Variants in ZNF385D observed in about 807,000 individuals in gnomAD.
The protein encoded by ZNF385D is zinc finger protein 659.
ZNF385D carries 15 observed loss-of-function variants against 35.8 expected under a neutral mutation model. The observed-to-expected ratio is 0.42, with a 90% CI of 0.28 to 0.64. ZNF385D has a LOEUF of 0.64. Among genes scored for constraint, ZNF385D ranks in the 30% least tolerant of loss-of-function variants. The pLI, the probability that ZNF385D is intolerant of heterozygous loss-of-function variation, is 0.23. For synonymous variants in ZNF385D, 212 were observed against 186.8 expected (o/e 1.13, Z -1.10); for missense variants, 474 against 494.6 (o/e 0.96, Z 0.39).
intron 3 of ZNF385D, among the ~76,000 whole-genome samples, chr3:22,002,611 C>G (rs1042804268): frequency 6.6e-6 from 1 of 152,086 alleles, no homozygotes; most frequent in African/African-American, 2.4e-5. Context: ...CAAAACCAGA[C>G]AAGGGCACAA....
chr3:22,087,627 T>C (rs1034023915), intron 3 of ZNF385D, among the ~76,000 whole-genome samples: 10 of 152,138 alleles, frequency 6.6e-5, no homozygotes, highest in African/African-American at 2.4e-4. Flanking sequence ...CTGGGGATTT[T>C]TGAGCTATCA....
chr3:22,308,385 GA>G (rs1405177267), intron 2 of ZNF385D, among the ~76,000 whole-genome samples: 2 of 151,780 alleles, frequency 1.3e-5, no homozygotes, highest in Non-Finnish European at 2.9e-5. Flanking sequence ...ATTATTTAAA[GA>G]AAACCAATTT....
At chr3:22,003,261 T>C (rs976833541) in intron 3 of ZNF385D, among the ~76,000 whole-genome samples, 1 of 152,262 alleles carries the variant, frequency 6.6e-6, no homozygotes, top group East Asian at 1.9e-4. Flanking sequence ...CAGAAATCAA[T>C]AGCTTTTCTA....
chr3:22,307,624 C>G (rs2125422159), intron 2 of ZNF385D, among the ~76,000 whole-genome samples: 1 of 151,850 alleles, frequency 6.6e-6, no homozygotes, highest in East Asian at 1.9e-4. Context: ...TACTCAGCTA[C>G]TCATAGATTA....
At chr3:22,215,661 A>C (rs1394362678) in intron 2 of ZNF385D, among the ~76,000 whole-genome samples, 2 of 151,994 alleles carry the variant, frequency 1.3e-5, no homozygotes, top group African/African-American at 4.8e-5. Flanking sequence ...TTGCCCTGGT[A>C]CTGTAGTCCT....
intron 2 of ZNF385D, among the ~76,000 whole-genome samples, chr3:22,252,067 C>T (rs541893207): frequency 1.3e-5 from 2 of 152,116 alleles, no homozygotes; most frequent in South Asian, 4.2e-4. Context: ...GAATAAGGAA[C>T]TCAGGGAAGG....
At chr3:22,146,354 C>G (rs980419658) in intron 3 of ZNF385D, among the ~76,000 whole-genome samples, 1 of 152,070 alleles carries the variant, frequency 6.6e-6, no homozygotes, top group Admixed American at 6.6e-5. Context: ...TTCCCATTAC[C>G]ATCATTAACT....
At chr3:21,525,786 G>A (rs990268154) in intron 3 of ZNF385D, among the ~76,000 whole-genome samples, 1 of 149,284 alleles carries the variant, frequency 6.7e-6, no homozygotes, top group Admixed American at 6.7e-5. Context: ...TCTCCAAATT[G>A]TTTGAATTTA....
chr3:21,504,500 T>C (rs1321313331), intron 4 of ZNF385D, among the ~76,000 whole-genome samples: 2 of 152,132 alleles, frequency 1.3e-5, no homozygotes, highest in African/African-American at 4.8e-5. Flanking sequence ...CTTACTATCT[T>C]TTATATAAAA....
At chr3:21,970,878 G>C (rs193136017) in intron 3 of ZNF385D, among the ~76,000 whole-genome samples, 1 of 151,904 alleles carries the variant, frequency 6.6e-6, no homozygotes, top group East Asian at 1.9e-4. Context: ...AATTTCCAGT[G>C]AAAACTTTAC....
At chr3:21,455,589 G>A (rs1702752289) in intron 4 of ZNF385D, among the ~76,000 whole-genome samples, 1 of 152,190 alleles carries the variant, frequency 6.6e-6, no homozygotes, top group African/African-American at 2.4e-5. Flanking sequence ...ATTAATTCAA[G>A]ATGGAGTAAA....
At chr3:21,483,431 T>G (rs1375477275) in intron 4 of ZNF385D, among the ~76,000 whole-genome samples, 2 of 152,178 alleles carry the variant, frequency 1.3e-5, no homozygotes, top group Non-Finnish European at 2.9e-5. Flanking sequence ...TTAACAGAAC[T>G]GTTATAAATG....
intron 2 of ZNF385D, among the ~76,000 whole-genome samples, chr3:21,617,820 G>C (rs545375914): frequency 6.6e-6 from 1 of 152,174 alleles, no homozygotes; most frequent in Non-Finnish European, 1.5e-5. Context: ...TGGGTGAGGA[G>C]TGAGGAAACT....
intron 2 of ZNF385D, among the ~76,000 whole-genome samples, chr3:22,219,173 C>T (rs960328337): frequency 4.6e-5 from 7 of 152,108 alleles, no homozygotes; most frequent in Non-Finnish European, 8.8e-5. Context: ...TTGGAACTGA[C>T]TATGAAGACA....
At chr3:21,917,184 C>T (rs978652308) in intron 3 of ZNF385D, among the ~76,000 whole-genome samples, 5 of 152,138 alleles carry the variant, frequency 3.3e-5, no homozygotes, top group Non-Finnish European at 5.9e-5. Flanking sequence ...GTAATCCCAC[C>T]ACTTTGGGAG....
chr3:21,748,311 A>G (rs942806233), intron 1 of ZNF385D, among the ~76,000 whole-genome samples: 7 of 151,898 alleles, frequency 4.6e-5, no homozygotes, highest in African/African-American at 7.3e-5. Flanking sequence ...ACTGACTCCA[A>G]CTAAGCAAGG....
chr3:22,133,998 G>T (rs966745049), intron 3 of ZNF385D: 3 of 151,992 alleles, frequency 2.0e-5, no homozygotes, highest in African/African-American at 7.2e-5. Context: ...GTAAACTATA[G>T]AAAGGCAGAA....
chr3:21,616,055 A>G (rs1206943607), intron 2 of ZNF385D, among the ~76,000 whole-genome samples: 2 of 152,156 alleles, frequency 1.3e-5, no homozygotes, highest in East Asian at 1.9e-4. Context: ...AGTTTGTTCA[A>G]TTTAAATAAG....
rs1421171893 is a variant in ZNF385D, at chr3:22,145,007, C to T, written c.325+23810G>A. ...AACTAGAAATACAGTGTTGAAGATA[C>T]ATATGTGTGTGTGTGTGTGTGTGTG... On this transcript the variant is annotated intron_variant, in intron 3 of 5. Transcript: ENST00000494108. Among the ~76,000 whole-genome samples, 8 of 65,580 alleles carry T rather than the reference C, an allele frequency of 1.2e-4. No homozygotes were observed. The South Asian group carries it at 3.9e-3, about 32-fold the overall frequency. 43.0% of individuals were successfully genotyped at this position (65,580 alleles called of 152,430 possible).
Sources: allele counts gnomAD v4.1 joint callset (sites outside exome capture counted in the v4.1 genomes callset), GRCh38; gene constraint gnomAD v4.1.1; transcripts MANE v1.5; gene names NCBI Gene and HGNC (gene_info 2026-07-23, HGNC 2026-07-21).